The following CAMK1D variants were observed in gnomAD, a reference collection of about 807,000 sequenced individuals.
The protein encoded by CAMK1D is calcium/calmodulin-dependent protein kinase type 1D.
A neutral mutation model predicts 47.7 loss-of-function variants in CAMK1D; 9 were observed. The ratio of observed to expected loss-of-function variants is 0.19; its 90% CI spans 0.11 to 0.33. CAMK1D has a LOEUF of 0.33. Among genes scored for constraint, CAMK1D ranks in the 10% least tolerant of loss-of-function variants. The pLI is 1.00. For synonymous variants in CAMK1D, 184 were observed against 184.9 expected (o/e 0.99, Z 0.04); for missense variants, 291 against 488.7 (o/e 0.60, Z 3.81).
chr10:12,453,221 A>T, intron 1 of CAMK1D, among the ~76,000 whole-genome samples: 1 of 140,456 alleles, frequency 7.1e-6, no homozygotes. Context: ...ATGGAGTTTC[A>T]CTCTGTCGCC....
At chr10:12,516,507 G>A (rs1477710628) in intron 1 of CAMK1D, among the ~76,000 whole-genome samples, 1 of 152,228 alleles carries the variant, frequency 6.6e-6, no homozygotes, top group African/African-American at 2.4e-5. Flanking sequence ...AAATAGCTAG[G>A]AGTGGGATTG....
At chr10:12,740,025 A>G (rs950702414) in intron 3 of CAMK1D, among the ~76,000 whole-genome samples, 5 of 152,226 alleles carry the variant, frequency 3.3e-5, no homozygotes, top group African/African-American at 9.6e-5. Flanking sequence ...TAAAAATAGT[A>G]TCTGAGGTAG....
chr10:12,377,944 A>T (rs1048142039), intron 1 of CAMK1D, among the ~76,000 whole-genome samples: 1 of 152,276 alleles, frequency 6.6e-6, no homozygotes, highest in Admixed American at 6.5e-5. Flanking sequence ...TTAGGTTAAC[A>T]TCCAAAGGTA....
chr10:12,770,838 G>T lies in CAMK1D; in HGVS notation c.565+1039G>T, dbSNP rs909656414. 2.0e-5 allele frequency among the ~76,000 whole-genome samples: 3 copies of T among 151,962 alleles called. No individual in the cohort carries two copies. In the East Asian group the frequency reaches 5.8e-4, roughly 29 times the overall value. ...AAGCCTGAAGGCTGGGAGAGGGTAC[G>T]AGCTAGGGATGTCTGAGAGCAAGAA... is the stretch of plus-strand genomic sequence containing the variant. On this transcript the variant is annotated intron_variant, in intron 5 of 10. Transcript: ENST00000619168.
chr10:12,491,130 C>A (rs1460794545), intron 1 of CAMK1D, among the ~76,000 whole-genome samples: 1 of 150,594 alleles, frequency 6.6e-6, no homozygotes, highest in Non-Finnish European at 1.5e-5. Flanking sequence ...GTAACTGCAT[C>A]ACTGGAGGGT....
chr10:12,756,118 C>T (rs1836217051), intron 3 of CAMK1D, among the ~76,000 whole-genome samples: 1 of 152,182 alleles, frequency 6.6e-6, no homozygotes, highest in African/African-American at 2.4e-5. Context: ...TACTGTTTGG[C>T]CTTCTTCATA....
chr10:12,456,556 C>T (rs1833248392), intron 1 of CAMK1D: 1 of 152,092 alleles, frequency 6.6e-6, no homozygotes, highest in African/African-American at 2.4e-5. Flanking sequence ...GGACCTATAC[C>T]ACACATATAC....
intron 6 of CAMK1D, among the ~76,000 whole-genome samples, chr10:12,810,935 GC>G (rs770050928): frequency 1.1e-3 from 167 of 152,374 alleles, no homozygotes; most frequent in Middle Eastern, 3.4e-3. Flanking sequence ...GGGCCTCATT[GC>G]AGCTGAGCTG....
intron 1 of CAMK1D, among the ~76,000 whole-genome samples, chr10:12,520,016 G>A (rs1202367740): frequency 1.3e-5 from 1 of 75,666 alleles, no homozygotes; most frequent in Admixed American, 1.2e-4. Flanking sequence ...AGGGGCGGCC[G>A]GGCAGAGGAG....
intron 1 of CAMK1D, among the ~76,000 whole-genome samples, chr10:12,393,504 C>T (rs1838822920): frequency 6.6e-6 from 1 of 152,178 alleles, no homozygotes; most frequent in Admixed American, 6.5e-5. Context: ...ACCATCTGTC[C>T]TCCTGACCTC....
chr10:12,628,649 A>G (rs1839292975), intron 2 of CAMK1D, among the ~76,000 whole-genome samples: 1 of 152,170 alleles, frequency 6.6e-6, no homozygotes, highest in Admixed American at 6.5e-5. Context: ...TAAAGCCCTT[A>G]GTTTACATTA....
chr10:12,791,377 C>T lies in CAMK1D; in HGVS notation c.641+144C>T, dbSNP rs952235019. Reference sequence around the variant, plus strand: ...CATGTTTAAGGGTACAGTTCAGTGGCATTAAGTCCATTCACAGTGTTGCAC... The same window carrying T: ...CATGTTTAAGGGTACAGTTCAGTGGTATTAAGTCCATTCACAGTGTTGCAC... On this transcript the variant is annotated intron_variant, in intron 6 of 10. Transcript: ENST00000619168. 1.5e-5 allele frequency: 10 copies of T among 646,856 alleles called. No homozygotes were observed. The African/African-American group carries it at 1.8e-4, about 12-fold the overall frequency. The allele number at this position is 646,856 out of a possible 1,614,324, so 40.1% of individuals were successfully genotyped here.
chr10:12,375,092 C>T (rs1057095043), intron 1 of CAMK1D, among the ~76,000 whole-genome samples: 2 of 152,088 alleles, frequency 1.3e-5, no homozygotes, highest in African/African-American at 2.4e-5. Context: ...CCACTCACTG[C>T]GCCTGAGCTG....
intron 1 of CAMK1D, among the ~76,000 whole-genome samples, chr10:12,523,151 C>T (rs1038451432): frequency 5.7e-5 from 8 of 140,334 alleles, no homozygotes; most frequent in Middle Eastern, 4.3e-3. Flanking sequence ...CAGACGGGGT[C>T]GCGGCTGGGC....
intron 1 of CAMK1D, among the ~76,000 whole-genome samples, chr10:12,440,324 A>C: frequency 6.8e-6 from 1 of 146,140 alleles, no homozygotes; most frequent in Non-Finnish European, 1.5e-5. Context: ...TCCTTCTGTC[A>C]CCCAGGCTGG....
intron 1 of CAMK1D, among the ~76,000 whole-genome samples, chr10:12,432,956 A>G (rs1832531237): frequency 6.6e-6 from 1 of 152,240 alleles, no homozygotes; most frequent in Non-Finnish European, 1.5e-5. Flanking sequence ...GGATTAGAGT[A>G]AATGCCAGTG....
chr10:12,727,544 T>C (rs2130802765), intron 3 of CAMK1D, among the ~76,000 whole-genome samples: 1 of 152,338 alleles, frequency 6.6e-6, no homozygotes. Context: ...AGGCATAAGT[T>C]ACACACAACA....
At chr10:12,611,457 G>A (rs1838617409) in intron 2 of CAMK1D, among the ~76,000 whole-genome samples, 1 of 152,080 alleles carries the variant, frequency 6.6e-6, no homozygotes, top group South Asian at 2.1e-4. Flanking sequence ...TCTGCTTCCA[G>A]GTGAGGAAGC....
chr10:12,704,107 C>T (rs1833639023), intron 3 of CAMK1D, among the ~76,000 whole-genome samples: 1 of 151,860 alleles, frequency 6.6e-6, no homozygotes, highest in South Asian at 2.1e-4. Flanking sequence ...TTCAAAAGAC[C>T]CAATTAGTGG....
Sources: allele counts gnomAD v4.1 joint callset (sites outside exome capture counted in the v4.1 genomes callset), GRCh38; gene constraint gnomAD v4.1.1; transcripts MANE v1.5; gene names NCBI Gene and HGNC (gene_info 2026-07-23, HGNC 2026-07-21).